PVT1: variants seen among roughly 807,000 people sequenced by gnomAD.
PVT1 encodes the protein CXCR4/PVT1 fusion.
chr8:128,048,634 G>C (rs1813648874), intron 4 of PVT1: 1 of 152,276 alleles, frequency 6.6e-6, no homozygotes, highest in African/African-American at 2.4e-5. Context: ...CTGGGGTTTG[G>C]GTCCTCGCTC....
intron 4 of PVT1, among the ~76,000 whole-genome samples, chr8:128,064,469 T>TC (rs1490172013): frequency 6.6e-6 from 1 of 152,184 alleles, no homozygotes; most frequent in Non-Finnish European, 1.5e-5. Context: ...TTCCTCAGCC[T>TC]CTTTTTATGG....
intron 5 of PVT1, among the ~76,000 whole-genome samples, chr8:128,092,087 A>C (rs1814363299): frequency 6.6e-6 from 1 of 151,822 alleles, no homozygotes; most frequent in Admixed American, 6.6e-5. Flanking sequence ...TCTCCATCCC[A>C]CCTGGCGGGC....
In PVT1 at chr8:128,058,889, G is replaced by A. The variant is rs2648872; in HGVS notation, n.913-11271G>A. ...TTCCAGCCTCATCTGTTTGGCACTT[G>A]GTATTGCACCAGACGCATGGCTGTT... is the stretch of plus-strand genomic sequence containing the variant. On this transcript the variant is annotated intron_variant and non_coding_transcript_variant, in intron 4 of 10. Transcript: ENST00000651587. Among the ~76,000 whole-genome samples, 113 of 152,236 alleles carry A rather than the reference G, an allele frequency of 7.4e-4. 1 individual carries two copies. The East Asian group carries it at 0.021, about 28-fold the overall frequency.
At position 127,991,888 on chromosome 8, in the gene PVT1, C is replaced by T. The variant is rs73355636; in HGVS notation, n.912+2597C>T. 2.2e-3 allele frequency among the ~76,000 whole-genome samples: 331 copies of T among 152,210 alleles called. 1 individual carries two copies. The highest frequency in any genetic ancestry group is 7.0e-3 in the African/African-American group (292 of 41,524). ...TGTCTAGAAATCAGCCTGGCTGGGACGCACACCAATAGGAGGGCATCCTCA... is the reference window on the plus strand; with the variant it reads ...TGTCTAGAAATCAGCCTGGCTGGGATGCACACCAATAGGAGGGCATCCTCA... On this transcript the variant is annotated intron_variant and non_coding_transcript_variant, in intron 4 of 10. Transcript: ENST00000651587.
chr8:127,973,972 C>A (rs1194427803), intron 3 of PVT1, among the ~76,000 whole-genome samples: 2 of 147,444 alleles, frequency 1.4e-5, no homozygotes, highest in African/African-American at 2.6e-5. Context: ...GAGCGAGACT[C>A]CGTCTCAGAA....
At chr8:127,905,141 G>A (rs1430770140) in intron 3 of PVT1, among the ~76,000 whole-genome samples, 1 of 152,200 alleles carries the variant, frequency 6.6e-6, no homozygotes. Context: ...ATACACAAAT[G>A]CTCAGATGAA....
intron 2 of PVT1, among the ~76,000 whole-genome samples, chr8:127,868,792 TAC>T (rs749031439): frequency 8.2e-3 from 303 of 36,978 alleles, no homozygotes; most frequent in Middle Eastern, 0.018. Flanking sequence ...TATATATATA[TAC>T]ATATATATGT....
At chr8:127,883,017 A>G (rs1178069948) in intron 2 of PVT1, among the ~76,000 whole-genome samples, 1 of 151,494 alleles carries the variant, frequency 6.6e-6, no homozygotes, top group African/African-American at 2.4e-5. Flanking sequence ...ACGCACACAC[A>G]TGCCTGCACA....
intron 3 of PVT1, among the ~76,000 whole-genome samples, chr8:127,967,129 C>T (rs1285977577): frequency 6.6e-6 from 1 of 152,166 alleles, no homozygotes; most frequent in East Asian, 1.9e-4. Context: ...GACACCCACC[C>T]CAGGGCTGAT....
intron 2 of PVT1, among the ~76,000 whole-genome samples, chr8:127,796,659 A>G (rs538292885): frequency 6.6e-6 from 1 of 152,226 alleles, no homozygotes; most frequent in Non-Finnish European, 1.5e-5. Flanking sequence ...GTGGCCCTGC[A>G]TTTGGGCAGA....
intron 4 of PVT1, among the ~76,000 whole-genome samples, chr8:128,021,340 C>T (rs1017492141): frequency 4.0e-5 from 5 of 124,400 alleles, no homozygotes; most frequent in Admixed American, 2.2e-4. Context: ...GTTGCTCAGG[C>T]TGGAGCACGG....
chr8:127,920,464 C>T (rs1253458767), intron 3 of PVT1, among the ~76,000 whole-genome samples: 2 of 152,196 alleles, frequency 1.3e-5, no homozygotes, highest in Non-Finnish European at 2.9e-5. Context: ...CATGTTGCAT[C>T]TGTAAATGAG....
intron 2 of PVT1, among the ~76,000 whole-genome samples, chr8:127,860,608 C>CA (rs1011209734): frequency 5.9e-5 from 9 of 151,548 alleles, no homozygotes; most frequent in Admixed American, 4.6e-4. Context: ...ACTAAAAATA[C>CA]AAAAAAATTA....
chr8:127,994,179 G>T (rs1817077340), intron 4 of PVT1, among the ~76,000 whole-genome samples: 1 of 152,092 alleles, frequency 6.6e-6, no homozygotes, highest in Admixed American at 6.5e-5. Context: ...CCCACTCCTA[G>T]TCCCTTCTTT....
chr8:128,100,294 G>A (rs759178791), intron 6 of PVT1, among the ~76,000 whole-genome samples: 1 of 152,092 alleles, frequency 6.6e-6, no homozygotes, highest in Non-Finnish European at 1.5e-5. Flanking sequence ...CTTGGTTCTT[G>A]GATGTAGCAC....
At chr8:128,042,795 G>A (rs1813562072) in intron 4 of PVT1, among the ~76,000 whole-genome samples, 1 of 116,176 alleles carries the variant, frequency 8.6e-6, no homozygotes, top group South Asian at 2.8e-4. Context: ...GAGAGATCTT[G>A]CTCTGTCACC....
chr8:128,024,245 C>A (rs1199121527), intron 4 of PVT1, among the ~76,000 whole-genome samples: 1 of 152,236 alleles, frequency 6.6e-6, no homozygotes. Flanking sequence ...CCTGATACCC[C>A]TTCCAGGGCC....
intron 3 of PVT1, among the ~76,000 whole-genome samples, chr8:127,950,668 C>A (rs1816495615): frequency 6.6e-6 from 1 of 152,168 alleles, no homozygotes; most frequent in East Asian, 1.9e-4. Flanking sequence ...TAAAGACTGA[C>A]CTGGGAGGAC....
chr8:128,082,787 T>C (rs1289812510), intron 5 of PVT1: 1 of 152,194 alleles, frequency 6.6e-6, no homozygotes. Flanking sequence ...GCAGCAGCCA[T>C]CTGGTAATTA....
Sources: allele counts gnomAD v4.1 joint callset (sites outside exome capture counted in the v4.1 genomes callset), GRCh38; gene constraint gnomAD v4.1.1; transcripts MANE v1.5; gene names NCBI Gene and HGNC (gene_info 2026-07-23, HGNC 2026-07-21).